MAP3K7: variants seen among roughly 807,000 people sequenced by gnomAD.
The protein encoded by MAP3K7 is TGF-beta activated kinase 1.
Under a neutral mutation model 84.8 loss-of-function variants are expected in MAP3K7, and 21 were observed. The ratio of observed to expected loss-of-function variants is 0.25; its 90% CI spans 0.18 to 0.36. The LOEUF is 0.36. Ranked by LOEUF, MAP3K7 falls within the 10% of genes least tolerant of loss-of-function variation. The probability of loss-of-function intolerance (pLI) is 1.00; values close to 1 mark genes in which losing one functional copy is unlikely to be tolerated. For synonymous variants in MAP3K7, 241 were observed against 247.7 expected (o/e 0.97, Z 0.25); for missense variants, 503 against 747.7 (o/e 0.67, Z 3.82).
intron 3 of MAP3K7, among the ~76,000 whole-genome samples, chr6:90,564,503 T>G (rs907667732): frequency 2.6e-5 from 4 of 152,044 alleles, no homozygotes; most frequent in Non-Finnish European, 5.9e-5. Context: ...AGGGATCAAT[T>G]CAACAAGAAG....
intron 3 of MAP3K7, among the ~76,000 whole-genome samples, chr6:90,562,790 G>C (rs929574166): frequency 3.9e-5 from 6 of 152,226 alleles, no homozygotes; most frequent in African/African-American, 1.4e-4. Context: ...GTGGGTCCCT[G>C]ACCCCTGAGT....
chr6:90,575,260 C>T (rs993586272), intron 1 of MAP3K7, among the ~76,000 whole-genome samples: 8 of 152,132 alleles, frequency 5.3e-5, no homozygotes, highest in Non-Finnish European at 1.0e-4. Flanking sequence ...AATAATAGTA[C>T]TTAAAAACTT....
chr6:90,542,335 G>C (rs1775879372), intron 12 of MAP3K7: 1 of 983,754 alleles, frequency 1.0e-6, no homozygotes, highest in South Asian at 4.7e-5. Flanking sequence ...GTGCACCTGA[G>C]TAAGTTAATG....
At chr6:90,552,906 TGA>T (rs1373722481) in intron 7 of MAP3K7, among the ~76,000 whole-genome samples, 3 of 152,226 alleles carry the variant, frequency 2.0e-5, no homozygotes, top group African/African-American at 4.8e-5. Flanking sequence ...ACTAATCTTG[TGA>T]CCTTAAGCAA....
intron 4 of MAP3K7, 143 bp downstream of exon 4, chr6:90,561,479 T>C: frequency 1.9e-6 from 1 of 536,892 alleles, no homozygotes. Context: ...TTTCCATTTT[T>C]ATTCTTAGCA....
intron 1 of MAP3K7, among the ~76,000 whole-genome samples, chr6:90,583,989 T>C (rs1777362809): frequency 1.3e-5 from 2 of 152,252 alleles, no homozygotes; most frequent in African/African-American, 2.4e-5. Context: ...CAAGATCAGC[T>C]AATGTCTTAG....
chr6:90,539,830 C>A (rs1407774356), intron 12 of MAP3K7, among the ~76,000 whole-genome samples: 1 of 151,732 alleles, frequency 6.6e-6, no homozygotes, highest in Non-Finnish European at 1.5e-5. Context: ...CAACAAGATA[C>A]AAGTATTAGA....
Position 90,571,808 on chromosome 6 carries a change from C to CT in MAP3K7, c.121-2dup, listed in dbSNP as rs751450338. ...CTCCAAAGGCTCCTCTTCCAACAAC[C>CT]TGAGTTAAACAAACAAACAAAAAAC... is the stretch of plus-strand genomic sequence containing the variant. On this transcript the variant is annotated splice_acceptor_variant, in intron 1 of 16. Coordinates refer to ENST00000369329, the MANE Select transcript of MAP3K7 (RefSeq NM_145331.3). LOFTEE classifies it high-confidence loss of function. 3 of 1,555,500 alleles carry CT rather than the reference C, an allele frequency of 1.9e-6. No individual in the cohort carries two copies. Among genetic ancestry groups the CT allele is most frequent in the Non-Finnish European group, 2.6e-6 (3 of 1,144,636 alleles).
At chr6:90,547,220 A>G (rs1164024989) in intron 11 of MAP3K7, 38 bp downstream of exon 11, 3 of 1,610,508 alleles carry the variant, frequency 1.9e-6, no homozygotes, top group East Asian at 2.2e-5. Flanking sequence ...AAAGGCTTAT[A>G]TACATTTTCA....
At chr6:90,520,391 CTTTTGTTTTTGT>C (rs1256359323) in intron 14 of MAP3K7, among the ~76,000 whole-genome samples, 1 of 151,250 alleles carries the variant, frequency 6.6e-6, no homozygotes, top group Non-Finnish European at 1.5e-5. Context: ...TTTCTTTTTG[CTTTTGTTTTTGT>C]TTTTTTAAAG....
At chr6:90,579,466 G>A (rs1302617151) in intron 1 of MAP3K7, among the ~76,000 whole-genome samples, 1 of 152,038 alleles carries the variant, frequency 6.6e-6, no homozygotes, top group African/African-American at 2.4e-5. Context: ...TTCTGAATCT[G>A]TTCTCTAATC....
chr6:90,564,053 G>C (rs1776614944), intron 3 of MAP3K7, among the ~76,000 whole-genome samples: 1 of 152,138 alleles, frequency 6.6e-6, no homozygotes, highest in African/African-American at 2.4e-5. Context: ...TGCTGAACAA[G>C]AGCTCCTGAA....
chr6:90,520,421 G>A (rs1020481138), intron 14 of MAP3K7, among the ~76,000 whole-genome samples: 2 of 151,660 alleles, frequency 1.3e-5, no homozygotes, highest in Non-Finnish European at 2.9e-5. Flanking sequence ...AAGCCACTGA[G>A]AACGTGCTCT....
chr6:90,556,879 A>C (rs978573150), intron 5 of MAP3K7, among the ~76,000 whole-genome samples: 1 of 152,318 alleles, frequency 6.6e-6, no homozygotes, highest in African/African-American at 2.4e-5. Context: ...CTTCATCTCT[A>C]GCTCCAAAAT....
intron 12 of MAP3K7, among the ~76,000 whole-genome samples, chr6:90,538,247 A>T (rs1775741269): frequency 6.6e-6 from 1 of 151,922 alleles, no homozygotes; most frequent in African/African-American, 2.4e-5. Context: ...ATTAAATTTT[A>T]AGTCATAATT....
At chr6:90,560,357 C>T in intron 4 of MAP3K7, 143 bp from the exon 5 acceptor site, 3 of 889,604 alleles carry the variant, frequency 3.4e-6, no homozygotes, top group Non-Finnish European at 5.0e-6. Context: ...TAATTTTTTA[C>T]TTTCTTTTTT....
At chr6:90,558,573 T>C (rs1776409849) in intron 5 of MAP3K7, among the ~76,000 whole-genome samples, 2 of 152,242 alleles carry the variant, frequency 1.3e-5, no homozygotes, top group South Asian at 4.1e-4. Context: ...TCTGTAAATA[T>C]GTTAATGGTA....
chr6:90,586,012 T>C (rs1582255485), intron 1 of MAP3K7, among the ~76,000 whole-genome samples: 1 of 152,326 alleles, frequency 6.6e-6, no homozygotes. Flanking sequence ...CAAGCATTTA[T>C]TGAGCATCCC....
chr6:90,516,696 C>T lies in MAP3K7; in HGVS notation c.1641-15G>A, dbSNP rs1180291950. ...CTAGTTCTTGCCTACAAACAAATACCACATAATATTACACATGATGGAAAA... is the reference window on the plus strand; with the variant it reads ...CTAGTTCTTGCCTACAAACAAATACTACATAATATTACACATGATGGAAAA... On this transcript the variant is annotated splice_polypyrimidine_tract_variant and intron_variant, in intron 16 of 16. Coordinates refer to ENST00000369329, the MANE Select transcript of MAP3K7 (RefSeq NM_145331.3). 6.3e-7 allele frequency: 1 copy of T among 1,580,500 alleles called. No homozygotes were observed. The highest frequency in any genetic ancestry group is 1.4e-5 in the African/African-American group (1 of 72,676).
Sources: gnomAD v4.1 joint callset for allele counts (sites outside exome capture counted in the v4.1 genomes callset) on GRCh38, gnomAD v4.1.1 for gene constraint, MANE v1.5 for transcripts, NCBI Gene and HGNC (gene_info 2026-07-23, HGNC 2026-07-21) for gene names.